The following PAK5 variants were observed in gnomAD, a reference collection of about 807,000 sequenced individuals.
PAK5 encodes p21 (RAC1) activated kinase 5.
In PAK5, 16 loss-of-function variants were observed where a neutral mutation model predicts 65.9. The observed-to-expected ratio is 0.24, with a 90% CI of 0.16 to 0.37. The LOEUF (loss-of-function observed/expected upper bound fraction) is 0.37, where lower values mean the gene tolerates loss of function less well. Ranked by LOEUF, PAK5 falls within the 10% of genes least tolerant of loss-of-function variation. PAK5 has a pLI of 1.00. For synonymous variants in PAK5, 371 were observed against 354.9 expected (o/e 1.05, Z -0.51); for missense variants, 785 against 903.9 (o/e 0.87, Z 1.69).
chr20:9,625,575 T>C (rs1434590675), intron 3 of PAK5, among the ~76,000 whole-genome samples: 2 of 152,238 alleles, frequency 1.3e-5, no homozygotes, highest in Non-Finnish European at 2.9e-5. Context: ...TTTTTTCTTT[T>C]CTTTTTCTTA....
At position 9,663,466 on chromosome 20, in the gene PAK5, A is replaced by C. The variant is rs536982753; in HGVS notation, c.-11-19127T>G. On this transcript the variant is annotated intron_variant, in intron 2 of 9. Transcript: ENST00000353224. ...CATAATAATAAACCTTTGAAATTCAAATCTTTGAAAAATGCCAAAATGCAT... is the reference window on the plus strand; with the variant it reads ...CATAATAATAAACCTTTGAAATTCACATCTTTGAAAAATGCCAAAATGCAT... Among the ~76,000 whole-genome samples, 7 of 152,278 alleles carry C rather than the reference A, an allele frequency of 4.6e-5. No individual in the cohort carries two copies. The South Asian group carries it at 1.5e-3, about 32-fold the overall frequency.
At chr20:9,576,226 C>G (rs1332213203) in intron 4 of PAK5, among the ~76,000 whole-genome samples, 1 of 152,206 alleles carries the variant, frequency 6.6e-6, no homozygotes, top group Non-Finnish European at 1.5e-5. Flanking sequence ...AGTTAAGCAA[C>G]TTGTTCACCC....
intron 6 of PAK5, among the ~76,000 whole-genome samples, chr20:9,560,017 C>T (rs1486700993): frequency 2.6e-5 from 4 of 152,134 alleles, no homozygotes; most frequent in East Asian, 1.9e-4. Flanking sequence ...AACCAAGAAC[C>T]ACCATCTTTA....
At position 9,538,337 on chromosome 20, in the gene PAK5, T is replaced by C. The variant is rs2045202896; in HGVS notation, c.*1125A>G. On this transcript the variant is annotated 3_prime_UTR_variant, in exon 10 of 10. Coordinates refer to ENST00000353224, the MANE Select transcript of PAK5 (RefSeq NM_177990.4). The stretch of plus-strand genomic sequence containing the variant: ...CAGTTCAGACTTCCAGCACGATACA[T>C]GAACAATAGCGATTAATACTGTGGT... 1 of 233,670 alleles carries C rather than the reference T, an allele frequency of 4.3e-6. No individual in the cohort carries two copies. The highest frequency in any genetic ancestry group is 2.2e-5 in the African/African-American group (1 of 45,460). The allele number at this position is 233,670 out of a possible 1,614,324, so 14.5% of individuals were successfully genotyped here.
At chr20:9,814,286 G>A (rs1026538204) in intron 1 of PAK5, among the ~76,000 whole-genome samples, 1 of 152,108 alleles carries the variant, frequency 6.6e-6, no homozygotes, top group African/African-American at 2.4e-5. Flanking sequence ...GAAATTATGG[G>A]CATTTTTGTG....
At chr20:9,738,686 A>C (rs2048418225) in intron 1 of PAK5, among the ~76,000 whole-genome samples, 1 of 152,210 alleles carries the variant, frequency 6.6e-6, no homozygotes, top group Non-Finnish European at 1.5e-5. Context: ...AAAAGGCATG[A>C]GAGAAATTTT....
In PAK5 at chr20:9,652,653, C is replaced by G. The variant is rs538904966; in HGVS notation, c.-11-8314G>C. On this transcript the variant is annotated intron_variant, in intron 2 of 9. Transcript: ENST00000353224. The stretch of plus-strand genomic sequence containing the variant: ...TTTCTATTGCACAGATGCTCATTAT[C>G]CAGTTGCTTTGTGACCTGGGCCTGT... Among the ~76,000 whole-genome samples, 6 of 152,286 alleles carry G rather than the reference C, an allele frequency of 3.9e-5. No homozygotes were observed. In the East Asian group the frequency reaches 1.2e-3, roughly 29 times the overall value.
chr20:9,565,331 T>C (rs1470427584), intron 5 of PAK5, among the ~76,000 whole-genome samples: 1 of 152,246 alleles, frequency 6.6e-6, no homozygotes, highest in African/African-American at 2.4e-5. Flanking sequence ...ACTTTCCATG[T>C]ATTCTACAGG....
chr20:9,561,586 C>T (rs1028921579), intron 6 of PAK5, among the ~76,000 whole-genome samples: 1 of 152,118 alleles, frequency 6.6e-6, no homozygotes, highest in Admixed American at 6.5e-5. Context: ...AGACCGAGAA[C>T]TGTAGAGCCA....
At chr20:9,670,341 C>T (rs1353267268) in intron 2 of PAK5, among the ~76,000 whole-genome samples, 9 of 152,092 alleles carry the variant, frequency 5.9e-5, no homozygotes, top group Non-Finnish European at 5.9e-5. Context: ...CCTGAGGAAT[C>T]GCCACACTGA....
intron 1 of PAK5, among the ~76,000 whole-genome samples, chr20:9,774,617 G>A (rs1041838067): frequency 6.6e-6 from 1 of 152,034 alleles, no homozygotes; most frequent in African/African-American, 2.4e-5. Flanking sequence ...TTCATCAGAT[G>A]AATGAATAAA....
chr20:9,666,073 C>T (rs1343375310), intron 2 of PAK5, among the ~76,000 whole-genome samples: 2 of 152,038 alleles, frequency 1.3e-5, no homozygotes, highest in Non-Finnish European at 2.9e-5. Context: ...CAGGAAAGTG[C>T]TTTCTGTTTA....
chr20:9,799,452 T>C (rs111719133), intron 1 of PAK5, among the ~76,000 whole-genome samples: 1,942 of 152,242 alleles, frequency 0.013, 48 homozygotes, highest in African/African-American at 0.041. Context: ...GAGTTTTAAC[T>C]GGAACATGCA....
At chr20:9,629,525 T>C (rs1364991910) in intron 3 of PAK5, among the ~76,000 whole-genome samples, 1 of 28,026 alleles carries the variant, frequency 3.6e-5, no homozygotes, top group Non-Finnish European at 9.3e-5. Flanking sequence ...TCTTGCTATG[T>C]TGTTCTTGAA....
At chr20:9,572,485 T>C (rs1490589782) in intron 4 of PAK5, among the ~76,000 whole-genome samples, 1 of 152,224 alleles carries the variant, frequency 6.6e-6, no homozygotes. Flanking sequence ...TGTGCAATCT[T>C]TTCTATGACC....
intron 1 of PAK5, among the ~76,000 whole-genome samples, chr20:9,784,776 A>G (rs6039578): frequency 0.042 from 6,456 of 152,002 alleles, 452 homozygotes; most frequent in African/African-American, 0.15. Context: ...AGGCAGGATC[A>G]CATGCAAAAA....
At chr20:9,764,628 T>C (rs2048736200) in intron 1 of PAK5, among the ~76,000 whole-genome samples, 1 of 152,294 alleles carries the variant, frequency 6.6e-6, no homozygotes, top group African/African-American at 2.4e-5. Context: ...TTACCTATAC[T>C]GGAGATTATA....
At chr20:9,802,120 C>G (rs1465615809) in intron 1 of PAK5, among the ~76,000 whole-genome samples, 1 of 152,118 alleles carries the variant, frequency 6.6e-6, no homozygotes, top group Non-Finnish European at 1.5e-5. Context: ...CCTTGGGTCA[C>G]AGATTAGCCC....
intron 3 of PAK5, among the ~76,000 whole-genome samples, chr20:9,587,878 A>C (rs1470079146): frequency 1.3e-5 from 2 of 152,198 alleles, no homozygotes; most frequent in Non-Finnish European, 2.9e-5. Flanking sequence ...ACATACATAT[A>C]TATAAGTTGT....
Sources: allele counts gnomAD v4.1 joint callset (sites outside exome capture counted in the v4.1 genomes callset), GRCh38; gene constraint gnomAD v4.1.1; transcripts MANE v1.5; gene names NCBI Gene and HGNC (gene_info 2026-07-23, HGNC 2026-07-21).